Variants in VPS13A observed in about 807,000 individuals in gnomAD.
VPS13A encodes vacuolar protein sorting 13 homolog A.
A neutral mutation model predicts 390.9 loss-of-function variants in VPS13A; 264 were observed. The ratio of observed to expected loss-of-function variants is 0.68; its 90% CI spans 0.61 to 0.75. The LOEUF (loss-of-function observed/expected upper bound fraction) is 0.75. VPS13A is among the 30% of genes least tolerant of loss of function. The pLI, the probability that VPS13A is intolerant of heterozygous loss-of-function variation, is 0.00. For synonymous variants in VPS13A, 1,231 were observed against 1,227.1 expected, an observed-to-expected ratio of 1.00 and a Z score of -0.07; for missense variants, 3,409 against 3,733.9, an observed-to-expected ratio of 0.91 and a Z score of 2.27.
At chr9:77,355,881 C>G (rs890413288) in intron 54 of VPS13A, among the ~76,000 whole-genome samples, 6 of 152,184 alleles carry the variant, frequency 3.9e-5, no homozygotes, top group African/African-American at 1.4e-4. Context: ...AGGGCCATCA[C>G]CATTTTTCAA....
chr9:77,218,908 T>A (rs1359851046), intron 10 of VPS13A, among the ~76,000 whole-genome samples: 1 of 152,134 alleles, frequency 6.6e-6, no homozygotes, highest in Non-Finnish European at 1.5e-5. Context: ...CCCAGCAGTA[T>A]GTTTTTACCC....
rs749004984 is a variant in VPS13A at position 77,220,321 on chromosome 9, A to G, written c.927A>G (p.Ala309=). 17 of 1,612,642 alleles carry G rather than the reference A, an allele frequency of 1.1e-5. No individual in the cohort carries two copies. The Admixed American group carries it at 2.8e-4, about 27-fold the overall frequency. ...TTCTTGAATCAGTTGATATGATGGC[A>G]CAAAATCTGCCATATAGGAAGTTCA... ...MELLESVDMM[A]QNLPYRKFKP... Residue 309 remains alanine, a synonymous_variant, in exon 12 of 72, where the codon GCA becomes GCG. Transcript: ENST00000360280.
intron 35 of VPS13A, among the ~76,000 whole-genome samples, chr9:77,311,621 C>T (rs151235547): frequency 1.3e-5 from 2 of 152,152 alleles, no homozygotes; most frequent in Admixed American, 6.5e-5. Flanking sequence ...TACACATATA[C>T]AGAATCATAG....
At chr9:77,325,796 G>C (rs758176986) in intron 45 of VPS13A, among the ~76,000 whole-genome samples, 1 of 151,824 alleles carries the variant, frequency 6.6e-6, no homozygotes, top group Non-Finnish European at 1.5e-5. Context: ...TCCCACATTC[G>C]TATAATTATG....
Position 77,371,012 on chromosome 9 carries a change from T to G in VPS13A, c.8954-14T>G, listed in dbSNP as rs1288489494. ...TCTTGGATGCAATTGTCAAAAACTC[T>G]TTTTTCTTTCCAGGAGCTCAAAAAG... On this transcript the variant is annotated splice_polypyrimidine_tract_variant and intron_variant, in intron 66 of 71. Coordinates refer to ENST00000360280, the MANE Select transcript of VPS13A (RefSeq NM_033305.3). The G allele has an allele frequency of 6.2e-7, 1 of 1,613,998 alleles. No individual in the cohort carries two copies. Among genetic ancestry groups the G allele is most frequent in the African/African-American group, 1.3e-5 (1 of 74,920 alleles).
rs1824711958 is a variant in VPS13A at position 77,244,846 on chromosome 9, G to T, written c.1901-2413G>T. 1.2e-4 allele frequency among the ~76,000 whole-genome samples: 19 copies of T among 152,254 alleles called. No homozygotes were observed. The South Asian group carries it at 3.9e-3, about 32-fold the overall frequency. On this transcript the variant is annotated intron_variant, in intron 19 of 71. Transcript: ENST00000360280. The stretch of plus-strand genomic sequence containing the variant: ...ATGCCCCAATTTAGTCTTGGTGGTA[G>T]TGTCAGAGAAGATCTCTGAAAATTC...
In VPS13A at chr9:77,279,957, G is replaced by A. The variant is rs147116604; in HGVS notation, c.2825-202G>A. ...AGACTTCAGTGTTGTGGCACATGAG[G>A]AGGTAAGGGAATTGTGAGGAGAAAT... On this transcript the variant is annotated intron_variant, in intron 26 of 71. Coordinates refer to ENST00000360280, the MANE Select transcript of VPS13A (RefSeq NM_033305.3). The A allele has an allele frequency of 4.0e-3, 1,747 of 432,076 alleles. 4 individuals carry two copies. The highest frequency in any genetic ancestry group is 1.0e-2 in the Admixed American group (289 of 28,944). 26.8% of individuals were successfully genotyped at this position (432,076 alleles called of 1,614,324 possible).
At chr9:77,235,491 A>G (rs1396925095) in intron 17 of VPS13A, among the ~76,000 whole-genome samples, 1 of 152,044 alleles carries the variant, frequency 6.6e-6, no homozygotes, top group Admixed American at 6.6e-5. Context: ...TTAGCTTTTG[A>G]CAGTTGGATT....
intron 31 of VPS13A, among the ~76,000 whole-genome samples, chr9:77,285,612 G>A (rs1827278561): frequency 6.6e-6 from 1 of 152,132 alleles, no homozygotes; most frequent in Non-Finnish European, 1.5e-5. Flanking sequence ...TTCTGGCCTT[G>A]TTATTAGGCC....
intron 1 of VPS13A, among the ~76,000 whole-genome samples, chr9:77,183,066 T>G (rs1225107678): frequency 6.6e-6 from 1 of 152,240 alleles, no homozygotes; most frequent in Non-Finnish European, 1.5e-5. Flanking sequence ...TTATGTATTA[T>G]TTTTATATTT....
At chr9:77,396,075 T>C (rs968935226) in intron 68 of VPS13A, among the ~76,000 whole-genome samples, 2 of 151,700 alleles carry the variant, frequency 1.3e-5, no homozygotes, top group African/African-American at 4.8e-5. Context: ...GTGAGACTTT[T>C]GTTACTGTGC....
At position 77,220,020 on chromosome 9, in the gene VPS13A, C is replaced by A. The variant is rs1260420504; in HGVS notation, c.821C>A (p.Ala274Asp). 1 of 1,612,954 alleles carries A rather than the reference C, an allele frequency of 6.2e-7. No homozygotes were observed. Among genetic ancestry groups the A allele is most frequent in the Admixed American group, 1.7e-5 (1 of 59,946 alleles). The change falls in exon 11 of 72, where the codon GCC becomes GAC. Residue 274 changes from alanine to aspartate, a missense_variant. Physicochemically the swap from Ala to Asp is moderately radical, Grantham distance 126. Around this residue, in one of 5 missense-constraint regions of VPS13A, gnomAD observed 2,717 missense variants for 2,917.4 expected, o/e 0.93. Coordinates refer to ENST00000360280, the MANE Select transcript of VPS13A (RefSeq NM_033305.3). ...MNRRSDFDFS[A>D]PKINLEIELH... ...CGCCGATCTGATTTTGACTTTTCTG[C>A]CCCCAAAATAAACTTGGAAATTGAG...
At chr9:77,231,191 C>A (rs1823810598) in intron 17 of VPS13A, among the ~76,000 whole-genome samples, 1 of 152,050 alleles carries the variant, frequency 6.6e-6, no homozygotes, top group South Asian at 2.1e-4. Context: ...AGTTTTACTT[C>A]TTCCATTCCG....
chr9:77,314,769 G>T (rs1348353065), intron 37 of VPS13A, 105 bp downstream of exon 37: 2 of 1,112,902 alleles, frequency 1.8e-6, no homozygotes, highest in Non-Finnish European at 2.7e-6. Context: ...TGCATCCTAG[G>T]TTCTTTAAAG....
In VPS13A at chr9:77,276,928, A is replaced by G. The variant is rs150263670; in HGVS notation, c.2824+707A>G. Among the ~76,000 whole-genome samples the G allele has an allele frequency of 2.4e-3, 370 of 151,908 alleles. 1 individual carries two copies. Among genetic ancestry groups the G allele is most frequent in the Admixed American group, 4.5e-3 (68 of 15,270 alleles). Reference sequence around the variant, plus strand: ...TACCTTTAACCTTAACCTTAATCCCATTTTCCAAGGCCCTTTTGCCATATG... The same window carrying G: ...TACCTTTAACCTTAACCTTAATCCCGTTTTCCAAGGCCCTTTTGCCATATG... On this transcript the variant is annotated intron_variant, in intron 26 of 71. Coordinates refer to ENST00000360280, the MANE Select transcript of VPS13A (RefSeq NM_033305.3).
chr9:77,227,628 C>T, intron 16 of VPS13A, 143 bp downstream of exon 16: 1 of 641,102 alleles, frequency 1.6e-6, no homozygotes, highest in Non-Finnish European at 2.7e-6. Context: ...GCAATCCTCC[C>T]ACCTCAGCCT....
chr9:77,406,487 G>A (rs1259548969), intron 70 of VPS13A, among the ~76,000 whole-genome samples: 1 of 151,930 alleles, frequency 6.6e-6, no homozygotes, highest in Non-Finnish European at 1.5e-5. Context: ...TGGCGCTCTT[G>A]GATCACTGCA....
chr9:77,282,223 C>T lies in VPS13A; in HGVS notation c.3067C>T (p.Pro1023Ser). ...TCCGCAATCAGAGGAAAAATCAGCC[C>T]CAGTGTCCACTACAGAGACTGAAGA... The part of the protein sequence containing the change: ...ILPQSEEKSA[P>S]VSTTETEDKG... The change falls in exon 29 of 72, where the codon CCA becomes TCA. Residue 1023 changes from proline (P) to serine (S), a missense_variant. Around this residue, in one of 5 missense-constraint regions of VPS13A, gnomAD observed 2,717 missense variants for 2,917.4 expected, o/e 0.93. Coordinates refer to ENST00000360280, the MANE Select transcript of VPS13A (RefSeq NM_033305.3). 6.2e-7 allele frequency: 1 copy of T among 1,613,486 alleles called. No individual in the cohort carries two copies. The highest frequency in any genetic ancestry group is 8.5e-7 in the Non-Finnish European group (1 of 1,179,764).
At chr9:77,262,481 C>T (rs1251035295) in intron 23 of VPS13A, among the ~76,000 whole-genome samples, 5 of 151,964 alleles carry the variant, frequency 3.3e-5, no homozygotes, top group Non-Finnish European at 7.4e-5. Context: ...ATGTGCAGAA[C>T]ATGCAGGTTT....
Sources: allele counts gnomAD v4.1 joint callset (sites outside exome capture counted in the v4.1 genomes callset), GRCh38; gene constraint gnomAD v4.1.1; regional missense constraint gnomAD v4.1.1; transcripts MANE v1.5; gene names NCBI Gene and HGNC (gene_info 2026-07-23, HGNC 2026-07-21).